Variants in GCSH observed in about 807,000 individuals in gnomAD.
GCSH encodes the protein glycine cleavage system H protein, mitochondrial.
GCSH carries 15 observed loss-of-function variants against 21.3 expected under a neutral mutation model. The ratio of observed to expected loss-of-function variants is 0.70; its 90% CI spans 0.47 to 1.08. The LOEUF is 1.08. GCSH is among the 50% of genes least tolerant of loss of function. The pLI is 0.00. For synonymous variants in GCSH, 59 were observed against 84.5 expected (o/e 0.70, Z 1.66); for missense variants, 179 against 217.5 (o/e 0.82, Z 1.11).
chr16:81,085,782 C>T (rs924509134), intron 3 of GCSH, among the ~76,000 whole-genome samples: 1 of 152,144 alleles, frequency 6.6e-6, no homozygotes, highest in Non-Finnish European at 1.5e-5. Flanking sequence ...ATCACTTGAA[C>T]CCGGGAGGTG....
chr16:81,085,602 C>T (rs924365593), intron 3 of GCSH, among the ~76,000 whole-genome samples: 16 of 152,170 alleles, frequency 1.1e-4, no homozygotes, highest in African/African-American at 3.9e-4. Flanking sequence ...GGCGTGGTGG[C>T]TCATGCCTGT....
intron 1 of GCSH, among the ~76,000 whole-genome samples, chr16:81,095,612 G>T (rs12923181): frequency 1.6e-3 from 16 of 9,976 alleles, no homozygotes; most frequent in African/African-American, 2.7e-3. Flanking sequence ...TCGATCTCCT[G>T]ACCTCGTGAT....
chr16:81,084,334 C>CAGA, intron 4 of GCSH, 129 bp downstream of exon 4: 1 of 770,236 alleles, frequency 1.3e-6, no homozygotes, highest in Non-Finnish European at 2.3e-6. Flanking sequence ...TCTTTTAAAG[C>CAGA]AGAACATCTC....
chr16:81,090,714 T>A (rs755567084), intron 1 of GCSH, 34 bp from the exon 2 acceptor site: 2 of 1,415,334 alleles, frequency 1.4e-6, no homozygotes, highest in Admixed American at 1.7e-5. Context: ...AGAAAAGCAG[T>A]AGCATTACTT....
At chr16:81,090,885 G>A (rs767288348) in intron 1 of GCSH, 5 of 631,614 alleles carry the variant, frequency 7.9e-6, no homozygotes, top group Non-Finnish European at 1.4e-5. Context: ...AGCAAAGATG[G>A]CTTCATCTGA....
Position 81,090,680 on chromosome 16 carries a change from A to C in GCSH, c.149T>G (p.Val50Gly). 6.2e-7 allele frequency: 1 copy of C among 1,606,046 alleles called. No individual in the cohort carries two copies. Among genetic ancestry groups the C allele is most frequent in the Non-Finnish European group, 8.5e-7 (1 of 1,172,558 alleles). Residue 50 changes from valine (V) to glycine (G), a missense_variant and splice_region_variant, in exon 2 of 5, where the codon GTG becomes GGG. Transcript: ENST00000315467. ...TTCGTGTTTCTCTGTGAATTTACGC[A>C]CTAAAACAGAAGACCAACATTTCAG... ...TLRTGPALLSVRKFTEKHEWV... is the reference protein window; with the variant it reads ...TLRTGPALLSGRKFTEKHEWV...
At chr16:81,083,282 C>T (rs970056975) in intron 4 of GCSH, 4 of 332,944 alleles carry the variant, frequency 1.2e-5, no homozygotes, top group East Asian at 7.7e-5. Flanking sequence ...CTTTGGGAAG[C>T]GAAGGCAAGC....
At chr16:81,087,477 G>T in intron 3 of GCSH, 124 bp downstream of exon 3, 1 of 744,014 alleles carries the variant, frequency 1.3e-6, no homozygotes, top group South Asian at 1.5e-5. Flanking sequence ...CAGCCTGGGT[G>T]ACAAAGCAAG....
intron 2 of GCSH, among the ~76,000 whole-genome samples, 191 bp from the exon 3 acceptor site, chr16:81,087,855 AGTTC>A (rs1972315350): frequency 6.6e-6 from 1 of 152,140 alleles, no homozygotes; most frequent in Non-Finnish European, 1.5e-5. Context: ...CAGGTGTGGT[AGTTC>A]ACGCCTGTAA....
chr16:81,093,066 A>C (rs1469669945), intron 1 of GCSH, among the ~76,000 whole-genome samples: 2 of 151,294 alleles, frequency 1.3e-5, no homozygotes, highest in Non-Finnish European at 2.9e-5. Flanking sequence ...TGGGAGGCGG[A>C]GATTCCAGTG....
intron 1 of GCSH, among the ~76,000 whole-genome samples, chr16:81,093,774 G>C (rs191985563): frequency 8.1e-4 from 124 of 152,268 alleles, no homozygotes; most frequent in African/African-American, 2.6e-3. Flanking sequence ...CTGGGAGGCA[G>C]AGGTTGCAGT....
At position 81,088,326 on chromosome 16, in the gene GCSH, G is replaced by A. The variant is rs140038045; in HGVS notation, c.229-662C>T. On this transcript the variant is annotated intron_variant, in intron 2 of 4. Transcript: ENST00000315467. ...ACTCAGGAGCTGCAAGAGACCAGCC[G>A]CCAGCCAGATCTGGCTCACAGGCTT... 6.6e-5 allele frequency among the ~76,000 whole-genome samples: 10 copies of A among 152,122 alleles called. No individual in the cohort carries two copies. The South Asian group carries it at 1.4e-3, about 22-fold the overall frequency.
intron 4 of GCSH, chr16:81,083,789 G>A (rs8177940): frequency 0.11 from 16,963 of 152,278 alleles, 996 homozygotes; most frequent in East Asian, 0.21. Context: ...GATTATAAGG[G>A]TGAAAATGTG....
intron 1 of GCSH, among the ~76,000 whole-genome samples, chr16:81,095,177 T>C (rs1237407733): frequency 6.6e-6 from 1 of 152,090 alleles, no homozygotes; most frequent in African/African-American, 2.4e-5. Context: ...GAAACATTCA[T>C]GGGCAGGTTT....
intron 1 of GCSH, among the ~76,000 whole-genome samples, chr16:81,095,836 C>T: frequency 6.6e-6 from 1 of 152,068 alleles, no homozygotes; most frequent in Non-Finnish European, 1.5e-5. Context: ...AGCAAGCGGC[C>T]GACCTGCCCG....
chr16:81,096,099 G>A (rs910847803), intron 1 of GCSH, 32 bp downstream of exon 1: 9 of 1,240,570 alleles, frequency 7.3e-6, no homozygotes, highest in Admixed American at 4.3e-5. Context: ...AGGCGGGGAG[G>A]GAGCAGCCGC....
At chr16:81,092,618 C>T (rs1972419325) in intron 1 of GCSH, among the ~76,000 whole-genome samples, 1 of 151,364 alleles carries the variant, frequency 6.6e-6, no homozygotes, top group African/African-American at 2.4e-5. Flanking sequence ...TGGCACACTC[C>T]TGTAATGCCA....
At position 81,082,200 on chromosome 16, in the gene GCSH, G is replaced by C. The variant is rs1040402721; in HGVS notation, c.*666C>G. The C allele has an allele frequency of 2.2e-6, 1 of 453,924 alleles. No homozygotes were observed. The highest frequency in any genetic ancestry group is 2.0e-5 in the African/African-American group (1 of 50,004). The allele number at this position is 453,924 out of a possible 1,614,324, so 28.1% of individuals were successfully genotyped here. On this transcript the variant is annotated 3_prime_UTR_variant, in exon 5 of 5. Transcript: ENST00000315467. ...TTGTGACTAAAGAAAACATTTTCTT[G>C]GAGCTTTGCATTGTTCTGGCTTAAA... is the stretch of plus-strand genomic sequence containing the variant.
chr16:81,090,942 C>G, intron 1 of GCSH: 1 of 548,080 alleles, frequency 1.8e-6, no homozygotes, highest in Non-Finnish European at 3.3e-6. Context: ...TTTAACATTA[C>G]TTAGCCTAAA....
Sources: gnomAD v4.1 joint callset for allele counts (sites outside exome capture counted in the v4.1 genomes callset) on GRCh38, gnomAD v4.1.1 for gene constraint, MANE v1.5 for transcripts, NCBI Gene and HGNC (gene_info 2026-07-23, HGNC 2026-07-21) for gene names.